XKR4: variants seen among roughly 807,000 people sequenced by gnomAD.
XKR4 encodes XK related 4.
In XKR4, 12 loss-of-function variants were observed where a neutral mutation model predicts 53.9. That is an observed-to-expected ratio of 0.22 (90% CI 0.14 to 0.36). The LOEUF (loss-of-function observed/expected upper bound fraction) is 0.36. XKR4 is among the 10% of genes least tolerant of loss of function. The pLI is 1.00. For synonymous variants in XKR4, 354 were observed against 362.4 expected, an observed-to-expected ratio of 0.98 and a Z score of 0.26; for missense variants, 799 against 859.5, an observed-to-expected ratio of 0.93 and a Z score of 0.88.
intron 1 of XKR4, among the ~76,000 whole-genome samples, chr8:55,348,496 T>C (rs1803681101): frequency 6.6e-6 from 1 of 152,200 alleles, no homozygotes; most frequent in Non-Finnish European, 1.5e-5. Context: ...GCTTGGCTTT[T>C]CTCTTCAAGT....
At chr8:55,452,931 T>C (rs2129396575) in intron 2 of XKR4, 3 of 790,204 alleles carry the variant, frequency 3.8e-6, no homozygotes, top group South Asian at 2.7e-5. Context: ...CACTGTGCTC[T>C]CCTCCTTCTG....
intron 2 of XKR4, among the ~76,000 whole-genome samples, chr8:55,417,511 G>C (rs1405245547): frequency 1.3e-5 from 2 of 152,136 alleles, no homozygotes; most frequent in Non-Finnish European, 2.9e-5. Flanking sequence ...TATAGATTTA[G>C]AGGCCGGAGG....
intron 1 of XKR4, among the ~76,000 whole-genome samples, chr8:55,250,835 A>G (rs775856092): frequency 6.6e-6 from 1 of 152,260 alleles, no homozygotes; most frequent in African/African-American, 2.4e-5. Flanking sequence ...AATAATTCAA[A>G]TAATCAATGA....
At chr8:55,492,610 C>T (rs1806286948) in intron 2 of XKR4, among the ~76,000 whole-genome samples, 1 of 152,222 alleles carries the variant, frequency 6.6e-6, no homozygotes, top group Non-Finnish European at 1.5e-5. Context: ...GAAGAAGTGC[C>T]ACTTGGCCCA....
At chr8:55,409,483 TAAGAATCTGTAAGTGGTAA>T (rs1804743728) in intron 2 of XKR4, among the ~76,000 whole-genome samples, 1 of 152,144 alleles carries the variant, frequency 6.6e-6, no homozygotes, top group African/African-American at 2.4e-5. Context: ...CAGCTTGTTG[TAAGAATCTGTAAGTGGTAA>T]GACTCAACAA....
intron 1 of XKR4, among the ~76,000 whole-genome samples, chr8:55,193,861 C>A (rs1372663390): frequency 1.3e-5 from 2 of 152,200 alleles, no homozygotes; most frequent in Non-Finnish European, 2.9e-5. Flanking sequence ...AGAGGCTGTG[C>A]TTGTGACCAT....
At chr8:55,256,245 T>C (rs1818437839) in intron 1 of XKR4, among the ~76,000 whole-genome samples, 1 of 152,180 alleles carries the variant, frequency 6.6e-6, no homozygotes, top group Non-Finnish European at 1.5e-5. Context: ...GACTTGGGTC[T>C]TATGGATCTT....
intron 2 of XKR4, among the ~76,000 whole-genome samples, chr8:55,499,289 G>T (rs898304100): frequency 3.9e-5 from 6 of 152,146 alleles, no homozygotes; most frequent in Non-Finnish European, 8.8e-5. Flanking sequence ...AATGCCTGGA[G>T]CATAGAGGTC....
intron 1 of XKR4, among the ~76,000 whole-genome samples, chr8:55,134,009 T>G (rs1816592706): frequency 6.6e-6 from 1 of 152,254 alleles, no homozygotes; most frequent in Non-Finnish European, 1.5e-5. Flanking sequence ...GGAAGAATTT[T>G]CTCTCCAGAC....
chr8:55,399,909 C>T (rs1432228015), intron 2 of XKR4, among the ~76,000 whole-genome samples: 1 of 152,196 alleles, frequency 6.6e-6, no homozygotes, highest in Non-Finnish European at 1.5e-5. Flanking sequence ...CCTGCTCGCT[C>T]ACACCTTGGA....
At chr8:55,503,619 G>A (rs1176706453) in intron 2 of XKR4, among the ~76,000 whole-genome samples, 1 of 151,994 alleles carries the variant, frequency 6.6e-6, no homozygotes, top group East Asian at 1.9e-4. Flanking sequence ...GGAATCTTTA[G>A]AATTGTCTAC....
At chr8:55,228,842 TACACAC>T (rs71256522) in intron 1 of XKR4, among the ~76,000 whole-genome samples, 108 of 150,004 alleles carry the variant, frequency 7.2e-4, no homozygotes, top group African/African-American at 7.8e-4. Context: ...TGTGTGTATG[TACACAC>T]ACACACACAC....
intron 2 of XKR4, among the ~76,000 whole-genome samples, chr8:55,499,259 G>A (rs193174996): frequency 1.6e-4 from 25 of 152,296 alleles, no homozygotes; most frequent in African/African-American, 6.0e-4. Context: ...TGACATTAAG[G>A]TGACATTATC....
rs1816605489 is a variant in XKR4, at chr8:55,135,021, G to A, written c.806+31727G>A. Among the ~76,000 whole-genome samples, 3 of 151,910 alleles carry A rather than the reference G, an allele frequency of 2.0e-5. 1 individual carries two copies. The South Asian group carries it at 6.2e-4, about 32-fold the overall frequency. ...CATTTTACAGTCTGAATCAGTAGAGGTAGATATGATAAATATATGCATACC... is the reference window on the plus strand; with the variant it reads ...CATTTTACAGTCTGAATCAGTAGAGATAGATATGATAAATATATGCATACC... On this transcript the variant is annotated intron_variant, in intron 1 of 2. Coordinates refer to ENST00000327381, the MANE Select transcript of XKR4 (RefSeq NM_052898.2).
chr8:55,366,126 A>G (rs1334378017), intron 2 of XKR4, among the ~76,000 whole-genome samples: 1 of 152,206 alleles, frequency 6.6e-6, no homozygotes, highest in Non-Finnish European at 1.5e-5. Flanking sequence ...GCTGATATGC[A>G]GAGGAAACCA....
intron 1 of XKR4, among the ~76,000 whole-genome samples, chr8:55,105,148 C>T (rs534096388): frequency 6.6e-6 from 1 of 151,918 alleles, no homozygotes; most frequent in Non-Finnish European, 1.5e-5. Flanking sequence ...TTCTGTGAAC[C>T]GAGGAAGTCC....
intron 1 of XKR4, among the ~76,000 whole-genome samples, chr8:55,252,301 ACCT>A (rs1185971530): frequency 6.6e-6 from 1 of 151,890 alleles, no homozygotes; most frequent in African/African-American, 2.4e-5. Context: ...GTCTGCTGAA[ACCT>A]CCTATTTAAA....
chr8:55,279,048 C>A (rs1458226771), intron 1 of XKR4, among the ~76,000 whole-genome samples: 1 of 152,158 alleles, frequency 6.6e-6, no homozygotes, highest in East Asian at 1.9e-4. Context: ...ATTCATTTTT[C>A]TTTTCTCTTA....
At position 55,127,151 on chromosome 8, in the gene XKR4, G is replaced by A. The variant is rs143427715; in HGVS notation, c.806+23857G>A. ...ATTTCTCCACTTTTCACCTATTCTC[G>A]TATGAGCCAGCTAAAATGCCCCCCA... is the stretch of plus-strand genomic sequence containing the variant. On this transcript the variant is annotated intron_variant, in intron 1 of 2. Transcript: ENST00000327381. Among the ~76,000 whole-genome samples the A allele has an allele frequency of 1.9e-4, 29 of 151,894 alleles. No homozygotes were observed. In the East Asian group the frequency reaches 4.6e-3, roughly 24 times the overall value.
Sources: allele counts gnomAD v4.1 joint callset (sites outside exome capture counted in the v4.1 genomes callset), GRCh38; gene constraint gnomAD v4.1.1; transcripts MANE v1.5; gene names NCBI Gene and HGNC (gene_info 2026-07-23, HGNC 2026-07-21).